The following ACSM6 variants were observed in gnomAD, a reference collection of about 807,000 sequenced individuals.
ACSM6 encodes the protein acyl-coenzyme A synthetase ACSM6, mitochondrial.
A neutral mutation model predicts 51.1 loss-of-function variants in ACSM6; 35 were observed. The observed-to-expected ratio is 0.69, with a 90% CI of 0.52 to 0.91. ACSM6 has a LOEUF of 0.91. Among genes scored for constraint, ACSM6 ranks in the 40% least tolerant of loss-of-function variants. ACSM6 has a pLI of 0.00. For synonymous variants in ACSM6, 172 were observed against 207.3 expected (o/e 0.83, Z 1.46); for missense variants, 509 against 584.1 (o/e 0.87, Z 1.32).
At chr10:95,198,376 C>A (rs889145683) in intron 2 of ACSM6, among the ~76,000 whole-genome samples, 2 of 152,170 alleles carry the variant, frequency 1.3e-5, no homozygotes, top group Non-Finnish European at 2.9e-5. Flanking sequence ...TACAACCAGG[C>A]ACAGTGGATC....
chr10:95,214,101 T>C (rs1258171380), intron 7 of ACSM6, among the ~76,000 whole-genome samples: 1 of 152,228 alleles, frequency 6.6e-6, no homozygotes, highest in African/African-American at 2.4e-5. Context: ...GGCAATGATG[T>C]AATGGTATAT....
intron 2 of ACSM6, among the ~76,000 whole-genome samples, chr10:95,196,778 C>A (rs1410427650): frequency 6.6e-6 from 1 of 152,178 alleles, no homozygotes; most frequent in Non-Finnish European, 1.5e-5. Context: ...AATGTGGAAA[C>A]AATATGATGT....
chr10:95,207,967 C>A (rs2034859467), intron 4 of ACSM6, among the ~76,000 whole-genome samples: 1 of 151,814 alleles, frequency 6.6e-6, no homozygotes, highest in African/African-American at 2.4e-5. Flanking sequence ...ATGGTGAAAC[C>A]CCGTCTCTAC....
At chr10:95,200,437 T>C (rs1234240106) in intron 2 of ACSM6, among the ~76,000 whole-genome samples, 1 of 151,288 alleles carries the variant, frequency 6.6e-6, no homozygotes, top group East Asian at 1.9e-4. Context: ...ACATGGCACA[T>C]GTATACACAT....
Position 95,210,810 on chromosome 10 carries a change from G to T in ACSM6, c.755+17G>T. ...GGCTTCCAGGTACGGTTCTCGCACA[G>T]CCTGTACAGGCCTGAAAGTTGTTCT... is the stretch of plus-strand genomic sequence containing the variant. On this transcript the variant is annotated intron_variant, in intron 5 of 10. Transcript: ENST00000341686. 6.2e-7 allele frequency: 1 copy of T among 1,605,844 alleles called. No homozygotes were observed. The highest frequency in any genetic ancestry group is 8.5e-7 in the Non-Finnish European group (1 of 1,177,158).
intron 2 of ACSM6, among the ~76,000 whole-genome samples, chr10:95,200,832 A>G (rs940987941): frequency 6.6e-6 from 1 of 151,476 alleles, no homozygotes; most frequent in Admixed American, 6.6e-5. Context: ...AGAGAGAGAG[A>G]GGACAGAAAG....
At chr10:95,197,295 A>G (rs1287317704) in intron 2 of ACSM6, among the ~76,000 whole-genome samples, 1 of 152,230 alleles carries the variant, frequency 6.6e-6, no homozygotes, top group South Asian at 2.1e-4. Flanking sequence ...ATAGAGAAAC[A>G]ACAGTGGGCC....
exon 3 of ACSM6, chr10:95,202,143 C>A (rs1036232743): frequency 2.6e-6 from 4 of 1,552,168 alleles, no homozygotes; most frequent in Middle Eastern, 1.7e-4. Context: ...TGATGATAAT[C>A]TTGCCCCCAA....
chr10:95,207,109 G>C, intron 3 of ACSM6, 99 bp from the exon 4 acceptor site: 1 of 1,121,700 alleles, frequency 8.9e-7, no homozygotes, highest in Non-Finnish European at 1.3e-6. Context: ...CTAAGAGAGA[G>C]GGTAACCCAG....
At chr10:95,196,903 CT>C (rs1483422394) in intron 2 of ACSM6, among the ~76,000 whole-genome samples, 1 of 152,084 alleles carries the variant, frequency 6.6e-6, no homozygotes, top group Admixed American at 6.5e-5. Flanking sequence ...ATTGTTACCC[CT>C]CTAAGTAGTT....
intron 7 of ACSM6, among the ~76,000 whole-genome samples, chr10:95,213,932 T>A (rs533273446): frequency 1.3e-5 from 2 of 152,236 alleles, no homozygotes; most frequent in African/African-American, 2.4e-5. Flanking sequence ...TGGCATTTTG[T>A]GGAGCAGTTA....
At chr10:95,196,956 T>TATC (rs1300061243) in intron 2 of ACSM6, among the ~76,000 whole-genome samples, 1 of 152,214 alleles carries the variant, frequency 6.6e-6, no homozygotes, top group Non-Finnish European at 1.5e-5. Flanking sequence ...CTGAAATGAA[T>TATC]ATCTTTGTGT....
intron 9 of ACSM6, among the ~76,000 whole-genome samples, chr10:95,221,656 A>T (rs1047126680): frequency 6.6e-6 from 1 of 152,310 alleles, no homozygotes; most frequent in African/African-American, 2.4e-5. Flanking sequence ...ATAAAGTCCT[A>T]AAAACATACA....
intron 10 of ACSM6, among the ~76,000 whole-genome samples, chr10:95,226,808 G>T (rs2133397028): frequency 6.6e-6 from 1 of 152,210 alleles, no homozygotes; most frequent in South Asian, 2.1e-4. Context: ...AAGAAGAAAA[G>T]CATATTAACT....
At chr10:95,198,613 T>G (rs1027654071) in intron 2 of ACSM6, among the ~76,000 whole-genome samples, 1 of 149,900 alleles carries the variant, frequency 6.7e-6, no homozygotes, top group Non-Finnish European at 1.5e-5. Context: ...ATCATGCCAC[T>G]GCACTCCAGC....
chr10:95,209,520 G>T (rs958084912), intron 4 of ACSM6, among the ~76,000 whole-genome samples: 1 of 152,192 alleles, frequency 6.6e-6, no homozygotes, highest in Non-Finnish European at 1.5e-5. Context: ...GGCTGTTGCT[G>T]TCGTCCAGAT....
At chr10:95,207,753 C>A (rs1000585949) in intron 4 of ACSM6, among the ~76,000 whole-genome samples, 5 of 148,982 alleles carry the variant, frequency 3.4e-5, no homozygotes, top group Non-Finnish European at 7.4e-5. Context: ...AAACATATTA[C>A]AAAAAACATA....
chr10:95,227,883 C>T (rs1224001201), intron 10 of ACSM6, among the ~76,000 whole-genome samples: 2 of 152,130 alleles, frequency 1.3e-5, no homozygotes, highest in African/African-American at 4.8e-5. Context: ...GCCTGGCCAA[C>T]ATGGCAAAAC....
At chr10:95,227,239 A>C (rs1047845849) in intron 10 of ACSM6, among the ~76,000 whole-genome samples, 5 of 152,136 alleles carry the variant, frequency 3.3e-5, no homozygotes, top group African/African-American at 1.2e-4. Flanking sequence ...CACCTGCCTC[A>C]GCCTCCCAAA....
Sources: allele counts gnomAD v4.1 joint callset (sites outside exome capture counted in the v4.1 genomes callset), GRCh38; gene constraint gnomAD v4.1.1; transcripts MANE v1.5; gene names NCBI Gene and HGNC (gene_info 2026-07-23, HGNC 2026-07-21).